The following MID1 variants were observed in gnomAD, a reference collection of about 807,000 sequenced individuals.
MID1 encodes midline 1.
MID1 carries 7 observed loss-of-function variants against 40.4 expected under a neutral mutation model. The ratio of observed to expected loss-of-function variants is 0.17; its 90% CI spans 0.10 to 0.33. The LOEUF is 0.33. Ranked by LOEUF, MID1 falls within the 10% of genes least tolerant of loss-of-function variation. MID1 has a pLI of 1.00. For synonymous variants in MID1, 229 were observed against 221.2 expected, an observed-to-expected ratio of 1.04 and a Z score of -0.31; for missense variants, 367 against 558.5, an observed-to-expected ratio of 0.66 and a Z score of 3.46.
intron 1 of MID1, among the ~76,000 whole-genome samples, chrX:10,760,196 CG>C (rs923363653): frequency 1.8e-5 from 2 of 111,671 alleles, no homozygotes; most frequent in African/African-American, 6.5e-5. Flanking sequence ...GGCTTGCACT[CG>C]GGGGGAAGTA....
chrX:10,680,906 G>A (rs990093209), intron 1 of MID1, among the ~76,000 whole-genome samples: 4 of 108,414 alleles, frequency 3.7e-5, no homozygotes, highest in Admixed American at 1.0e-4. Context: ...GTGTGGTGGC[G>A]CGGCCTGTAT....
At chrX:10,772,575 T>A (rs2043778147) in intron 1 of MID1, among the ~76,000 whole-genome samples, 1 of 108,668 alleles carries the variant, frequency 9.2e-6, no homozygotes, top group African/African-American at 3.3e-5. Flanking sequence ...AAAAAATTTT[T>A]AAAAAATGAA....
chrX:10,826,864 T>C (rs746307572), intron 1 of MID1, among the ~76,000 whole-genome samples: 8 of 112,453 alleles, frequency 7.1e-5, no homozygotes, highest in African/African-American at 2.6e-4. Context: ...AGAGAAAGCA[T>C]TTGACAAATA....
At chrX:10,726,262 C>G (rs1222355793) in intron 1 of MID1, among the ~76,000 whole-genome samples, 2 of 112,058 alleles carry the variant, frequency 1.8e-5, no homozygotes, top group Non-Finnish European at 3.8e-5. Context: ...TTGGCACACT[C>G]TGTATGATAT....
At chrX:10,595,984 T>A (rs753825376) in intron 1 of MID1, among the ~76,000 whole-genome samples, 1 of 112,138 alleles carries the variant, frequency 8.9e-6, no homozygotes, top group South Asian at 3.7e-4. Context: ...TTAAAAAAAA[T>A]TTCTTTCCTC....
intron 7 of MID1, among the ~76,000 whole-genome samples, chrX:10,465,214 T>TATATATATATATATACACACAC (rs1477864693): frequency 1.0e-4 from 4 of 39,900 alleles, no homozygotes; most frequent in Non-Finnish European, 1.7e-4. Flanking sequence ...TATATATATA[T>TATATATATATATATACACACAC]ACACACACAC....
At chrX:10,769,418 T>TGGGAGG (rs763172678) in intron 1 of MID1, among the ~76,000 whole-genome samples, 3 of 111,753 alleles carry the variant, frequency 2.7e-5, no homozygotes, top group Non-Finnish European at 5.6e-5. Flanking sequence ...AGGCATTAGA[T>TGGGAGG]GGGAGACATG....
intron 8 of MID1, among the ~76,000 whole-genome samples, chrX:10,457,190 G>C (rs1223507729): frequency 1.8e-5 from 2 of 111,947 alleles, no homozygotes; most frequent in African/African-American, 6.5e-5. Context: ...GCCAAGTTCT[G>C]CTCGGCCTCC....
At chrX:10,777,026 T>C (rs1294951580) in intron 1 of MID1, among the ~76,000 whole-genome samples, 1 of 110,986 alleles carries the variant, frequency 9.0e-6, no homozygotes, top group Non-Finnish European at 1.9e-5. Context: ...AATAAATACA[T>C]ATGGAAATAG....
At chrX:10,508,511 T>C (rs1413813891) in intron 3 of MID1, among the ~76,000 whole-genome samples, 1 of 111,634 alleles carries the variant, frequency 9.0e-6, no homozygotes, top group African/African-American at 3.3e-5. Flanking sequence ...AGTACTTTGA[T>C]TGGATGATGT....
chrX:10,794,494 T>C (rs918792381), intron 1 of MID1, among the ~76,000 whole-genome samples: 2 of 111,962 alleles, frequency 1.8e-5, no homozygotes, highest in Non-Finnish European at 3.8e-5. Context: ...TAGAAACCAG[T>C]CAGCAAGCAC....
chrX:10,598,982 T>A (rs1935465863), intron 1 of MID1, among the ~76,000 whole-genome samples: 1 of 111,834 alleles, frequency 8.9e-6, no homozygotes, highest in Admixed American at 9.4e-5. Flanking sequence ...TCTATGACCA[T>A]CCTGACGGGG....
At chrX:10,509,648 T>C (rs1049052584) in intron 3 of MID1, among the ~76,000 whole-genome samples, 1 of 111,723 alleles carries the variant, frequency 9.0e-6, no homozygotes, top group Admixed American at 9.5e-5. Flanking sequence ...GCACTAGCAT[T>C]ACTGATCCTC....
intron 7 of MID1, among the ~76,000 whole-genome samples, chrX:10,465,214 TACACACACACACAC>T (rs775197915): frequency 2.3e-4 from 9 of 39,900 alleles, no homozygotes; most frequent in Admixed American, 1.2e-3. Flanking sequence ...TATATATATA[TACACACACACACAC>T]ACACACACAC....
intron 1 of MID1, among the ~76,000 whole-genome samples, chrX:10,787,061 C>T (rs1279790854): frequency 2.7e-5 from 3 of 110,856 alleles, no homozygotes; most frequent in African/African-American, 9.8e-5. Flanking sequence ...TGTTCTAAGA[C>T]AGTAGGAAAA....
At chrX:10,654,523 C>G (rs1239849040) in intron 1 of MID1, among the ~76,000 whole-genome samples, 5 of 111,694 alleles carry the variant, frequency 4.5e-5, no homozygotes, top group Non-Finnish European at 7.5e-5. Flanking sequence ...CAACCTAGAT[C>G]CCTCGCATGC....
chrX:10,531,838 C>G (rs1410005959), intron 2 of MID1, among the ~76,000 whole-genome samples: 1 of 111,717 alleles, frequency 9.0e-6, no homozygotes, highest in African/African-American at 3.3e-5. Flanking sequence ...CACTCCTCCT[C>G]CCCAGCCCCA....
chrX:10,576,341 A>G (rs977115535), intron 1 of MID1, among the ~76,000 whole-genome samples: 6 of 111,618 alleles, frequency 5.4e-5, no homozygotes, highest in African/African-American at 2.0e-4. Context: ...TGACCATGCA[A>G]CCTGATTAAT....
In MID1 at chrX:10,770,495, A is replaced by G. The variant is rs1225245727; in HGVS notation, c.-187+63059T>C. On this transcript the variant is annotated intron_variant, in intron 1 of 10. Transcript: ENST00000380785. ...TGCAGAAGGTGAGTCCAGTGTATAT[A>G]CCAGGGAACTAATTTTACCATCTTA... 2.7e-5 allele frequency among the ~76,000 whole-genome samples: 3 copies of G among 111,752 alleles called. No homozygotes were observed. The Admixed American group carries it at 2.8e-4, about 11-fold the overall frequency.
Sources: allele counts gnomAD v4.1 joint callset (sites outside exome capture counted in the v4.1 genomes callset), GRCh38; gene constraint gnomAD v4.1.1; transcripts MANE v1.5; gene names NCBI Gene and HGNC (gene_info 2026-07-23, HGNC 2026-07-21).